TRERF1: variants seen among roughly 807,000 people sequenced by gnomAD.
TRERF1 encodes the protein transcriptional-regulating factor 1.
In TRERF1, 27 loss-of-function variants were observed where a neutral mutation model predicts 122.9. That is an observed-to-expected ratio of 0.22 (90% CI 0.16 to 0.30). The LOEUF (loss-of-function observed/expected upper bound fraction) is 0.30, where lower values mean the gene tolerates loss of function less well. TRERF1 is among the 10% of genes least tolerant of loss of function. The pLI is 1.00. For missense variants in TRERF1, 1,248 were observed against 1,560.3 expected (o/e 0.80, Z 3.37); for synonymous variants, 636 against 641.7 (o/e 0.99, Z 0.13).
At chr6:42,357,557 A>G (rs182258342) in intron 3 of TRERF1, among the ~76,000 whole-genome samples, 139 of 152,312 alleles carry the variant, frequency 9.1e-4, no homozygotes, top group Non-Finnish European at 1.4e-3. Context: ...CAGGAGACCC[A>G]TGAAACGTTA....
intron 6 of TRERF1, 34 bp from the exon 7 acceptor site, chr6:42,264,888 A>ATAC: frequency 6.2e-7 from 1 of 1,609,744 alleles, no homozygotes; most frequent in South Asian, 1.1e-5. Flanking sequence ...GAGAGGACAC[A>ATAC]TACGTTGAGG....
At chr6:42,242,702 T>C (rs1429355531) in intron 15 of TRERF1, among the ~76,000 whole-genome samples, 1 of 152,204 alleles carries the variant, frequency 6.6e-6, no homozygotes, top group Non-Finnish European at 1.5e-5. Context: ...AGGAAATCAA[T>C]ACCAGGGATA....
At chr6:42,398,799 T>C (rs577555371) in intron 2 of TRERF1, among the ~76,000 whole-genome samples, 2 of 152,236 alleles carry the variant, frequency 1.3e-5, no homozygotes, top group African/African-American at 4.8e-5. Context: ...GTAAAATGCA[T>C]GATCAAAGCA....
chr6:42,370,201 TCACACATA>T (rs1029859010), intron 2 of TRERF1, among the ~76,000 whole-genome samples: 4 of 152,114 alleles, frequency 2.6e-5, no homozygotes, highest in African/African-American at 7.2e-5. Flanking sequence ...TGGACACAAA[TCACACATA>T]CACACATACA....
chr6:42,265,886 G>C (rs1013172413), intron 5 of TRERF1, 89 bp from the exon 6 acceptor site: 9 of 1,373,760 alleles, frequency 6.6e-6, no homozygotes, highest in South Asian at 1.2e-5. Flanking sequence ...GGAACACCAG[G>C]TACTCTTCCA....
At chr6:42,377,013 G>T (rs1775008300) in intron 2 of TRERF1, among the ~76,000 whole-genome samples, 1 of 151,296 alleles carries the variant, frequency 6.6e-6, no homozygotes, top group African/African-American at 2.4e-5. Context: ...TTACAGGTGT[G>T]AGCCACCATG....
Position 42,269,689 on chromosome 6 carries a change from G to A in TRERF1, c.-99C>T. On this transcript the variant is annotated 5_prime_UTR_variant, in exon 5 of 18. Transcript: ENST00000372922. This position sits in a 1 kb window ranked among gnomAD's most constrained non-coding sequence, Gnocchi z 4.9. ...GAAACCCTGAGAAGCTGAGAGAAAAGTGTCAGCACTACTCCACGGCTGACA... is the reference window on the plus strand; with the variant it reads ...GAAACCCTGAGAAGCTGAGAGAAAAATGTCAGCACTACTCCACGGCTGACA... The A allele has an allele frequency of 1.3e-6, 2 of 1,482,906 alleles. No individual in the cohort carries two copies. The highest frequency in any genetic ancestry group is 1.8e-6 in the Non-Finnish European group (2 of 1,119,614). 91.9% of individuals were successfully genotyped at this position (1,482,906 alleles called of 1,614,324 possible). A position where few individuals can be genotyped will look rare whatever the true frequency, so the allele number is the denominator to read the frequency against.
At chr6:42,429,548 A>C (rs912654061) in intron 2 of TRERF1, among the ~76,000 whole-genome samples, 3 of 152,064 alleles carry the variant, frequency 2.0e-5, no homozygotes, top group Non-Finnish European at 2.9e-5. Flanking sequence ...TGGAAGGGGG[A>C]AGGGGATGAC....
At chr6:42,309,719 C>A (rs1002342503) in intron 3 of TRERF1, among the ~76,000 whole-genome samples, 12 of 151,722 alleles carry the variant, frequency 7.9e-5, no homozygotes, top group Non-Finnish European at 1.6e-4. Context: ...CAGCTACTAG[C>A]CGTAAGTGGA....
chr6:42,319,313 A>C (rs1763004697), intron 3 of TRERF1, among the ~76,000 whole-genome samples: 1 of 152,258 alleles, frequency 6.6e-6, no homozygotes, highest in Non-Finnish European at 1.5e-5. Flanking sequence ...CCCCCATTAA[A>C]GATGCATGCT....
intron 2 of TRERF1, among the ~76,000 whole-genome samples, chr6:42,437,459 A>G (rs1218262001): frequency 2.0e-5 from 3 of 152,188 alleles, no homozygotes; most frequent in African/African-American, 7.2e-5. Flanking sequence ...GCATTTTTTT[A>G]AATCTCATTT....
At chr6:42,272,540 T>C (rs1582731845) in intron 4 of TRERF1, among the ~76,000 whole-genome samples, 2 of 152,202 alleles carry the variant, frequency 1.3e-5, no homozygotes, top group South Asian at 4.1e-4. Context: ...TCAGAATCTG[T>C]ATTTTATTGA....
At chr6:42,391,142 T>C (rs1431570874) in intron 2 of TRERF1, among the ~76,000 whole-genome samples, 1 of 152,186 alleles carries the variant, frequency 6.6e-6, no homozygotes, top group Non-Finnish European at 1.5e-5. Context: ...AGGTATTGGA[T>C]CCCAGTTCTC....
At chr6:42,368,313 G>C (rs556037653) in intron 2 of TRERF1, among the ~76,000 whole-genome samples, 1 of 152,252 alleles carries the variant, frequency 6.6e-6, no homozygotes, top group Admixed American at 6.5e-5. Flanking sequence ...CCTGAGTGGA[G>C]GGCCCAGCTG....
chr6:42,250,360 A>C (rs1308054562), intron 13 of TRERF1, among the ~76,000 whole-genome samples: 1 of 152,044 alleles, frequency 6.6e-6, no homozygotes, highest in Non-Finnish European at 1.5e-5. Flanking sequence ...TGCTTATTAT[A>C]TCCATAGTCT....
chr6:42,378,970 A>C (rs1775406012), intron 2 of TRERF1, among the ~76,000 whole-genome samples: 1 of 152,044 alleles, frequency 6.6e-6, no homozygotes, highest in Non-Finnish European at 1.5e-5. Flanking sequence ...TTAAAAAAAA[A>C]TAGGCAGGCA....
chr6:42,449,036 T>C (rs145052269), intron 2 of TRERF1, among the ~76,000 whole-genome samples: 1,639 of 152,364 alleles, frequency 0.011, 82 homozygotes, highest in Admixed American at 0.09. Flanking sequence ...TTTAAGTTCC[T>C]AACTCAACAA....
intron 3 of TRERF1, among the ~76,000 whole-genome samples, chr6:42,342,609 A>C: frequency 6.6e-6 from 1 of 152,338 alleles, no homozygotes; most frequent in East Asian, 1.9e-4. Context: ...ATGCTGTCAA[A>C]GTCTAGCCTA....
chr6:42,318,293 C>A (rs1200890119), intron 3 of TRERF1, among the ~76,000 whole-genome samples: 1 of 152,230 alleles, frequency 6.6e-6, no homozygotes, highest in African/African-American at 2.4e-5. Flanking sequence ...CAGCCCCCAA[C>A]ACTGAATACA....
Sources: gnomAD v4.1 joint callset for allele counts (sites outside exome capture counted in the v4.1 genomes callset) on GRCh38, gnomAD v4.1.1 for gene constraint, Gnocchi (gnomAD v3.1) non-coding constraint, MANE v1.5 for transcripts, NCBI Gene and HGNC (gene_info 2026-07-23, HGNC 2026-07-21) for gene names.